Variants in TNFRSF21 observed in about 807,000 individuals in gnomAD.
TNFRSF21 encodes the protein TNF receptor superfamily member 21.
A neutral mutation model predicts 45.6 loss-of-function variants in TNFRSF21; 19 were observed. That is an observed-to-expected ratio of 0.42 (90% CI 0.29 to 0.61). The LOEUF (loss-of-function observed/expected upper bound fraction) is 0.61. Among genes scored for constraint, TNFRSF21 ranks in the 20% least tolerant of loss-of-function variants. The pLI, the probability that TNFRSF21 is intolerant of heterozygous loss-of-function variation, is 0.23. For synonymous variants in TNFRSF21, 314 were observed against 335.5 expected, an observed-to-expected ratio of 0.94 and a Z score of 0.70; for missense variants, 737 against 851.5, an observed-to-expected ratio of 0.87 and a Z score of 1.67.
intron 1 of TNFRSF21, among the ~76,000 whole-genome samples, chr6:47,302,186 T>C (rs1443534663): frequency 1.3e-5 from 2 of 152,148 alleles, no homozygotes; most frequent in African/African-American, 2.4e-5. Flanking sequence ...TACCAGTCAG[T>C]ATGATAAACC....
chr6:47,254,998 C>A (rs1764959625), intron 3 of TNFRSF21, among the ~76,000 whole-genome samples: 1 of 152,122 alleles, frequency 6.6e-6, no homozygotes, highest in African/African-American at 2.4e-5. Context: ...TATGTGTAAC[C>A]ACTATGAAAT....
At chr6:47,253,103 GGT>G (rs369860041) in intron 4 of TNFRSF21, among the ~76,000 whole-genome samples, 151 bp downstream of exon 4, 60 of 149,176 alleles carry the variant, frequency 4.0e-4, no homozygotes, top group African/African-American at 1.3e-3. Context: ...TAGAAGGTAG[GGT>G]GTGTGTGTGT....
Position 47,232,552 on chromosome 6 carries a change from G to A in TNFRSF21, c.*213C>T. 1.8e-6 allele frequency: 1 copy of A among 546,440 alleles called. No homozygotes were observed. The allele number at this position is 546,440 out of a possible 1,614,324, so 33.8% of individuals were successfully genotyped here. ...CAAAGGCTTATAAACCAACTTCCCA[G>A]AAGAGTTATTTAAAAAAAAAAGAGA... On this transcript the variant is annotated 3_prime_UTR_variant, in exon 6 of 6. Coordinates refer to ENST00000296861, the MANE Select transcript of TNFRSF21 (RefSeq NM_014452.5).
At chr6:47,257,970 A>G (rs1765013729) in intron 3 of TNFRSF21, among the ~76,000 whole-genome samples, 1 of 152,142 alleles carries the variant, frequency 6.6e-6, no homozygotes. Flanking sequence ...TATTTGCTGG[A>G]ATTATTCTCC....
intron 1 of TNFRSF21, among the ~76,000 whole-genome samples, chr6:47,305,294 C>A (rs562335198): frequency 1.1e-4 from 16 of 152,230 alleles, no homozygotes; most frequent in Non-Finnish European, 8.8e-5. Flanking sequence ...AGAAAGGGTG[C>A]TCGATGCAGT....
At chr6:47,238,029 G>A (rs1409270796) in intron 4 of TNFRSF21, among the ~76,000 whole-genome samples, 2 of 152,088 alleles carry the variant, frequency 1.3e-5, no homozygotes, top group African/African-American at 4.8e-5. Flanking sequence ...CAGCCTGGAC[G>A]ACGGAGTGAG....
intron 3 of TNFRSF21, among the ~76,000 whole-genome samples, chr6:47,254,409 C>T (rs1220379201): frequency 2.6e-5 from 4 of 152,142 alleles, no homozygotes; most frequent in African/African-American, 9.7e-5. Context: ...CCACAGTGGA[C>T]CACAGGCAAC....
At position 47,236,141 on chromosome 6, in the gene TNFRSF21, G is replaced by A. The variant is rs576423382; in HGVS notation, c.1510-1243C>T. ...ACACAGCTACTGGCAGAAAGCCAGTGCTCAACTCAGGCCTGCTTGACATCT... is the reference window on the plus strand; with the variant it reads ...ACACAGCTACTGGCAGAAAGCCAGTACTCAACTCAGGCCTGCTTGACATCT... On this transcript the variant is annotated intron_variant, in intron 4 of 5. Transcript: ENST00000296861. Among the ~76,000 whole-genome samples, 126 of 152,362 alleles carry A rather than the reference G, an allele frequency of 8.3e-4. 1 individual carries two copies. The highest frequency in any genetic ancestry group is 1.4e-3 in the Non-Finnish European group (95 of 68,036).
intron 3 of TNFRSF21, among the ~76,000 whole-genome samples, chr6:47,255,090 C>A (rs1764961007): frequency 6.6e-6 from 1 of 152,222 alleles, no homozygotes; most frequent in Non-Finnish European, 1.5e-5. Context: ...TGACAGACAG[C>A]TGTCCCCAAT....
rs1476602455 is a variant in TNFRSF21, at chr6:47,253,439, C to T, written c.1326G>A (p.Glu442=). The part of the protein sequence containing the change: ...DIYQFLCNAS[E]REVAAFSNGY... The stretch of plus-strand genomic sequence containing the variant: ...CATTGGAGAAAGCAGCAACCTCCCT[C>T]TCACTGGCATTGCAAAGAAACTGAT... The change falls in exon 4 of 6, where the codon GAG becomes GAA. Residue 442 remains glutamate, a synonymous_variant. Transcript: ENST00000296861. 6.2e-7 allele frequency: 1 copy of T among 1,614,068 alleles called. No homozygotes were observed. Among genetic ancestry groups the T allele is most frequent in the Non-Finnish European group, 8.5e-7 (1 of 1,180,040 alleles).
chr6:47,262,912 A>G (rs1765094020), intron 3 of TNFRSF21, among the ~76,000 whole-genome samples: 1 of 152,200 alleles, frequency 6.6e-6, no homozygotes, highest in Non-Finnish European at 1.5e-5. Context: ...CCTTGGGGAG[A>G]GAAATGACAC....
intron 4 of TNFRSF21, among the ~76,000 whole-genome samples, chr6:47,248,277 A>ATC (rs1764850685): frequency 6.6e-6 from 1 of 152,176 alleles, no homozygotes; most frequent in African/African-American, 2.4e-5. Context: ...GATTATCAAA[A>ATC]TTAATTTTGA....
Position 47,286,163 on chromosome 6 carries a change from A to T in TNFRSF21, c.529T>A (p.Ser177Thr), listed in dbSNP as rs1231686634. ...TTCATCACACTAGAAGGCACATCTG[A>T]GAAGGTACCCCGAGCACACTGCTTA... ...RCKQCARGTF[S>T]DVPSSVMKCK... Residue 177 changes from serine to threonine, a missense_variant, in exon 2 of 6, where the codon TCA becomes ACA. Transcript: ENST00000296861. 7 of 1,614,080 alleles carry T rather than the reference A, an allele frequency of 4.3e-6. No homozygotes were observed. In the East Asian group the frequency reaches 1.6e-4, roughly 36 times the overall value.
At chr6:47,284,905 G>T (rs1457494277) in intron 2 of TNFRSF21, among the ~76,000 whole-genome samples, 1 of 152,212 alleles carries the variant, frequency 6.6e-6, no homozygotes, top group Non-Finnish European at 1.5e-5. Flanking sequence ...AAATTTGACT[G>T]GTGAAAGACT....
chr6:47,299,162 C>A (rs948848103), intron 1 of TNFRSF21, among the ~76,000 whole-genome samples: 1 of 152,010 alleles, frequency 6.6e-6, no homozygotes, highest in African/African-American at 2.4e-5. Context: ...TTTTCAGACA[C>A]AAAATATTCT....
chr6:47,277,820 C>T (rs1404459003), intron 3 of TNFRSF21, among the ~76,000 whole-genome samples: 2 of 152,188 alleles, frequency 1.3e-5, no homozygotes, highest in Admixed American at 6.5e-5. Context: ...AATTTCTAGT[C>T]TATGATGCTT....
chr6:47,297,482 G>A (rs572775257), intron 1 of TNFRSF21, among the ~76,000 whole-genome samples: 5 of 149,252 alleles, frequency 3.4e-5, no homozygotes, highest in Admixed American at 1.3e-4. Flanking sequence ...ATTTTCTAAC[G>A]AGTGATGGAA....
At chr6:47,289,528 G>A (rs933815430) in intron 1 of TNFRSF21, among the ~76,000 whole-genome samples, 4 of 152,000 alleles carry the variant, frequency 2.6e-5, no homozygotes, top group Admixed American at 1.3e-4. Context: ...TTAGAACCTG[G>A]AAAAAACCTC....
At position 47,284,159 on chromosome 6, in the gene TNFRSF21, T is replaced by C. The variant is rs775155357; in HGVS notation, c.1022A>G (p.His341Arg). ...ATGCTCATTGATGTCAAAATGCTTGTGTAGGTTCTGTCTAGGATGTCCCCT... is the reference window on the plus strand; with the variant it reads ...ATGCTCATTGATGTCAAAATGCTTGCGTAGGTTCTGTCTAGGATGTCCCCT... ...PKRGHPRQNLHKHFDINEHLP... is the reference protein window; with the variant it reads ...PKRGHPRQNLRKHFDINEHLP... The change falls in exon 3 of 6, where the codon CAC becomes CGC. Residue 341 changes from histidine (H) to arginine (R), a missense_variant. Transcript: ENST00000296861. 49 of 1,614,096 alleles carry C rather than the reference T, an allele frequency of 3.0e-5. No individual in the cohort carries two copies. Among genetic ancestry groups the C allele is most frequent in the Admixed American group, 1.3e-4 (8 of 60,008 alleles).
Sources: allele counts gnomAD v4.1 joint callset (sites outside exome capture counted in the v4.1 genomes callset), GRCh38; gene constraint gnomAD v4.1.1; transcripts MANE v1.5; gene names NCBI Gene and HGNC (gene_info 2026-07-23, HGNC 2026-07-21).